Variants in COLEC12 observed in about 807,000 individuals in gnomAD.
The protein encoded by COLEC12 is collectin-12.
A neutral mutation model predicts 71.1 loss-of-function variants in COLEC12; 33 were observed. The observed-to-expected ratio is 0.46, with a 90% confidence interval of 0.35 to 0.62. The LOEUF (loss-of-function observed/expected upper bound fraction) is 0.62, where lower values mean the gene tolerates loss of function less well. COLEC12 is among the 20% of genes least tolerant of loss of function. The pLI, the probability that COLEC12 is intolerant of heterozygous loss-of-function variation, is 0.00. For synonymous variants in COLEC12, 350 were observed against 353.0 expected, an observed-to-expected ratio of 0.99 and a Z score of 0.10; for missense variants, 765 against 916.1, an observed-to-expected ratio of 0.84 and a Z score of 2.13.
At chr18:468,685 G>A (rs1468192653) in intron 2 of COLEC12, among the ~76,000 whole-genome samples, 1 of 152,100 alleles carries the variant, frequency 6.6e-6, no homozygotes, top group Admixed American at 6.6e-5. Flanking sequence ...TAAGTGCCAG[G>A]CATTGTGCTA....
chr18:382,936 G>T (rs902235358), intron 2 of COLEC12, among the ~76,000 whole-genome samples: 2 of 152,028 alleles, frequency 1.3e-5, no homozygotes, highest in Middle Eastern at 3.4e-3. Context: ...TTCTTTTTTT[G>T]TGTGTTGTGA....
intron 2 of COLEC12, among the ~76,000 whole-genome samples, chr18:430,488 G>A (rs937691678): frequency 9.9e-5 from 15 of 152,070 alleles, no homozygotes; most frequent in African/African-American, 3.1e-4. Flanking sequence ...TTGAAAAATA[G>A]TCTTTCCCTT....
intron 3 of COLEC12, among the ~76,000 whole-genome samples, chr18:351,416 A>G (rs1257984610): frequency 6.6e-6 from 1 of 151,800 alleles, no homozygotes; most frequent in Non-Finnish European, 1.5e-5. Flanking sequence ...TCCTTTCTCT[A>G]TTATGGGACT....
At chr18:325,433 C>T (rs889724207) in intron 8 of COLEC12, among the ~76,000 whole-genome samples, 2 of 151,808 alleles carry the variant, frequency 1.3e-5, no homozygotes, top group South Asian at 2.1e-4. Flanking sequence ...CTAAGGTGGG[C>T]AACTGCAAGC....
intron 2 of COLEC12, among the ~76,000 whole-genome samples, chr18:374,612 C>T (rs1055437563): frequency 3.3e-5 from 5 of 152,138 alleles, no homozygotes; most frequent in Admixed American, 2.6e-4. Context: ...ATTTTTCCCA[C>T]CAGAATTTGT....
At position 318,238 on chromosome 18, in the gene COLEC12, C is replaced by T. The variant is rs1913599736; in HGVS notation, c.*1807G>A. The T allele has an allele frequency of 6.6e-6, 1 of 152,000 alleles. No individual in the cohort carries two copies. The highest frequency in any genetic ancestry group is 1.5e-5 in the Non-Finnish European group (1 of 68,040). The allele number at this position is 152,000 out of a possible 1,614,324, so 9.4% of individuals were successfully genotyped here. On this transcript the variant is annotated 3_prime_UTR_variant, in exon 10 of 10. Transcript: ENST00000400256. ...CTTGTGATCCGTCCGCCTCGGCCTCCCAAAGTGCTGGGATTACAGGCGTGA... is the reference window on the plus strand; with the variant it reads ...CTTGTGATCCGTCCGCCTCGGCCTCTCAAAGTGCTGGGATTACAGGCGTGA...
chr18:352,294 A>G (rs953504861), intron 3 of COLEC12, among the ~76,000 whole-genome samples: 2 of 152,218 alleles, frequency 1.3e-5, no homozygotes. Context: ...AAATCAAAAC[A>G]TATGCCTCGG....
chr18:440,359 CA>C (rs1916491086), intron 2 of COLEC12, among the ~76,000 whole-genome samples: 1 of 92,978 alleles, frequency 1.1e-5, no homozygotes, highest in South Asian at 3.9e-4. Context: ...GAAATGTTCT[CA>C]ACACACACAC....
rs1028529956 is a variant in COLEC12 at position 500,585 on chromosome 18, G to A, written c.-71C>T. On this transcript the variant is annotated 5_prime_UTR_variant, in exon 1 of 10. Coordinates refer to ENST00000400256, the MANE Select transcript of COLEC12 (RefSeq NM_130386.3). The surrounding 1 kb of genome is among the most constrained non-coding windows in gnomAD (Gnocchi z 5.3). ...GCCGCGCAGCCGAGGAAGTCGTCCC[G>A]AGCGGCTGCTCACCGCACGCCCATG... 292 of 1,189,574 alleles carry A rather than the reference G, an allele frequency of 2.5e-4. No individual in the cohort carries two copies. The highest frequency in any genetic ancestry group is 2.9e-4 in the Non-Finnish European group (282 of 957,058). 73.7% of individuals were successfully genotyped at this position (1,189,574 alleles called of 1,614,324 possible). A position where few individuals can be genotyped will look rare whatever the true frequency, so the allele number is the denominator to read the frequency against.
chr18:346,585 ATGT>A lies in COLEC12; in HGVS notation c.1034_1036del (p.Asn345del), dbSNP rs1914376934. 1 of 1,614,224 alleles carries A rather than the reference ATGT, an allele frequency of 6.2e-7. No homozygotes were observed. The highest frequency in any genetic ancestry group is 8.5e-7 in the Non-Finnish European group (1 of 1,180,030). On this transcript the variant is annotated inframe_deletion, in exon 5 of 10. Transcript: ENST00000400256. This position sits in a 1 kb window ranked among gnomAD's most constrained non-coding sequence, Gnocchi z 4.0. ...GGCTGTGTAACTGATATTGCTAATG[ATGT>A]TCACAATATCCGTCTCAAAGAGCTG...
At chr18:364,721 T>C (rs1192044313) in intron 2 of COLEC12, among the ~76,000 whole-genome samples, 1 of 151,986 alleles carries the variant, frequency 6.6e-6, no homozygotes, top group Non-Finnish European at 1.5e-5. Context: ...ATTTCTTGAG[T>C]GGGTGAGAGT....
chr18:465,432 T>G (rs958322983), intron 2 of COLEC12, among the ~76,000 whole-genome samples: 1 of 152,216 alleles, frequency 6.6e-6, no homozygotes, highest in South Asian at 2.1e-4. Flanking sequence ...GTGTTTCACA[T>G]TCTCCTTTCT....
chr18:319,337 A>ATT lies in COLEC12; in HGVS notation c.*707_*708insAA. On this transcript the variant is annotated 3_prime_UTR_variant, in exon 10 of 10. Transcript: ENST00000400256. ...ATGAAACATTAAAAAAAAAAAAAAA[A>ATT]AAAAATATATATATATATATATATA... 2.7e-5 allele frequency: 1 copy of ATT among 36,418 alleles called. No homozygotes were observed. Among genetic ancestry groups the ATT allele is most frequent in the Non-Finnish European group, 7.5e-5 (1 of 13,370 alleles). The allele number at this position is 36,418 out of a possible 1,614,324, so 2.3% of individuals were successfully genotyped here.
chr18:321,117 C>T (rs1157681785), intron 9 of COLEC12, among the ~76,000 whole-genome samples: 1 of 152,174 alleles, frequency 6.6e-6, no homozygotes, highest in Non-Finnish European at 1.5e-5. Context: ...TGCAATGGTG[C>T]GATCTCGGCT....
intron 1 of COLEC12, among the ~76,000 whole-genome samples, chr18:498,205 T>C (rs1917747789): frequency 6.6e-6 from 1 of 152,156 alleles, no homozygotes. Flanking sequence ...TTAATTGCAA[T>C]GTGTTTGTAG....
rs147964842 is a variant in COLEC12, at chr18:466,717, T to C, written c.58+13990A>G. Among the ~76,000 whole-genome samples, 688 of 152,242 alleles carry C rather than the reference T, an allele frequency of 4.5e-3. 4 individuals carry two copies. Among genetic ancestry groups the C allele is most frequent in the African/African-American group, 0.016 (656 of 41,538 alleles). On this transcript the variant is annotated intron_variant, in intron 2 of 9. Coordinates refer to ENST00000400256, the MANE Select transcript of COLEC12 (RefSeq NM_130386.3). ...ACAGTGGTGAACAAAACAGACACCA[T>C]CTCTGTCCTCATTCAACTTACAATA...
At chr18:483,873 T>C (rs1323042806) in intron 1 of COLEC12, among the ~76,000 whole-genome samples, 1 of 152,246 alleles carries the variant, frequency 6.6e-6, no homozygotes, top group Non-Finnish European at 1.5e-5. Context: ...CTAGCGGAGT[T>C]GATGAGACAT....
intron 2 of COLEC12, among the ~76,000 whole-genome samples, chr18:464,191 C>T (rs113336026): frequency 3.3e-5 from 5 of 152,222 alleles, no homozygotes; most frequent in African/African-American, 1.2e-4. Context: ...GTATTATCTG[C>T]TATTGTTCCA....
intron 2 of COLEC12, among the ~76,000 whole-genome samples, chr18:456,673 C>T (rs1057399943): frequency 2.6e-5 from 4 of 152,208 alleles, no homozygotes; most frequent in Non-Finnish European, 4.4e-5. Context: ...TGAGAATAAA[C>T]GATGTAACCT....
Sources: allele counts gnomAD v4.1 joint callset (sites outside exome capture counted in the v4.1 genomes callset), GRCh38; gene constraint gnomAD v4.1.1; non-coding constraint Gnocchi (gnomAD v3.1); transcripts MANE v1.5; gene names NCBI Gene and HGNC (gene_info 2026-07-23, HGNC 2026-07-21).